CRB2: variants seen among roughly 807,000 people sequenced by gnomAD.
CRB2 encodes the protein crumbs cell polarity complex component 2, also known as protein crumbs homolog 2.
CRB2 carries 85 observed loss-of-function variants against 110.9 expected under a neutral mutation model. That is an observed-to-expected ratio of 0.77 (90% confidence interval 0.64 to 0.92). The LOEUF (loss-of-function observed/expected upper bound fraction) is 0.92. Ranked by LOEUF, CRB2 falls within the 40% of genes least tolerant of loss-of-function variation. The pLI is 0.00. For missense variants in CRB2, 1,843 were observed against 1,851.3 expected (o/e 1.00, Z 0.08); for synonymous variants, 907 against 831.0 (o/e 1.09, Z -1.57).
At chr9:123,359,089 A>T (rs902294870) in intron 1 of CRB2, among the ~76,000 whole-genome samples, 9 of 152,178 alleles carry the variant, frequency 5.9e-5, no homozygotes, top group Non-Finnish European at 1.2e-4. Context: ...TCCGTCCCTG[A>T]CAGCTATTGT....
intron 6 of CRB2, among the ~76,000 whole-genome samples, chr9:123,368,209 C>T (rs914468525): frequency 2.0e-5 from 3 of 152,162 alleles, no homozygotes; most frequent in Admixed American, 1.3e-4. Context: ...CCCTCACACC[C>T]GCCCGCATTC....
chr9:123,379,998 G>A (rs2042195903), downstream of CRB2: 1 of 152,294 alleles, frequency 6.6e-6, no homozygotes, highest in Non-Finnish European at 1.5e-5. Flanking sequence ...GGTTGACCCA[G>A]GAAGAGCCAT....
At chr9:123,354,187 C>CA (rs2041775414), upstream of CRB2, among the ~76,000 whole-genome samples, 1 of 152,242 alleles carries the variant, frequency 6.6e-6, no homozygotes, top group Admixed American at 6.5e-5. Flanking sequence ...GTCGGGGGAG[C>CA]CCCCCTCCAT....
At chr9:123,372,392 C>G in intron 9 of CRB2, 50 bp downstream of exon 9, 4 of 1,541,670 alleles carry the variant, frequency 2.6e-6, no homozygotes, top group Non-Finnish European at 2.6e-6. Flanking sequence ...GACACCTAAG[C>G]TGGTTAGATC....
chr9:123,375,137 G>A (rs1254983162), intron 11 of CRB2, 80 bp from the exon 12 acceptor site: 3 of 1,584,564 alleles, frequency 1.9e-6, no homozygotes, highest in East Asian at 4.5e-5. Flanking sequence ...TTGCTGAAGT[G>A]GGGATGGGCA....
rs1019759525 is a variant in CRB2, at chr9:123,370,228, A to T, written c.1175A>T (p.Asp392Val). 26 of 1,613,094 alleles carry T rather than the reference A, an allele frequency of 1.6e-5. No homozygotes were observed. Among genetic ancestry groups the T allele is most frequent in the Non-Finnish European group, 2.1e-5 (25 of 1,180,000 alleles). ...CRCPETWGGR[D>V]CSVQLTGCQG... ...TGCCCAGAGACCTGGGGTGGGCGCG[A>T]CTGTTCTGTGCAGCTCACTGGCTGC... Residue 392 changes from aspartate to valine, a missense_variant, in exon 7 of 13, where the codon GAC (aspartate) becomes GTC (valine). Coordinates refer to ENST00000373631, the MANE Select transcript of CRB2 (RefSeq NM_173689.7).
rs770096371 is a variant in CRB2 at position 123,366,301 on chromosome 9, C to T, written c.689C>T (p.Ala230Val). Residue 230 changes from alanine to valine, a missense_variant, in exon 4 of 13, where the codon GCG (alanine) becomes GTG (valine). Coordinates refer to ENST00000373631, the MANE Select transcript of CRB2 (RefSeq NM_173689.7). ...CGGGAGGTGCTGGAGTGCGCATCGG[C>T]GCCCTGCGAGCACAACGCGTCCTGC... ...CEREVLECAS[A>V]PCEHNASCLE... is the part of the protein sequence containing the mutation. 5 of 1,525,070 alleles carry T rather than the reference C, an allele frequency of 3.3e-6. No individual in the cohort carries two copies. Among genetic ancestry groups the T allele is most frequent in the East Asian group, 2.6e-5 (1 of 37,800 alleles). 94.5% of individuals were successfully genotyped at this position (1,525,070 alleles called of 1,614,324 possible). A position where few individuals can be genotyped will look rare whatever the true frequency, so the allele number is the denominator to read the frequency against.
At chr9:123,374,113 G>A (rs2042066342) in intron 10 of CRB2, 193 bp downstream of exon 10, 11 of 849,384 alleles carry the variant, frequency 1.3e-5, no homozygotes, top group East Asian at 2.7e-5. Flanking sequence ...CAGTTAGCCT[G>A]GAATTTCAGA....
chr9:123,362,455 G>A (rs1011973009), intron 1 of CRB2, among the ~76,000 whole-genome samples: 1 of 152,212 alleles, frequency 6.6e-6, no homozygotes, highest in Non-Finnish European at 1.5e-5. Context: ...GTGTGAAGTG[G>A]ACAGGGCTGG....
In CRB2 at chr9:123,373,847, G is replaced by A. The variant is rs748553861; in HGVS notation, c.3316G>A (p.Gly1106Ser). The change falls in exon 10 of 13, where the codon GGC becomes AGC. Residue 1106 changes from glycine (G) to serine (S), a missense_variant. Coordinates refer to ENST00000373631, the MANE Select transcript of CRB2 (RefSeq NM_173689.7). ...DPCHSAPCAR[G>S]RCHTHPDGRF... The stretch of plus-strand genomic sequence containing the variant: ...CTGTCACTCCGCCCCCTGCGCCCGT[G>A]GCCGCTGTCACACGCACCCCGACGG... 14 of 1,565,040 alleles carry A rather than the reference G, an allele frequency of 8.9e-6. No individual in the cohort carries two copies. The highest frequency in any genetic ancestry group is 1.1e-5 in the Non-Finnish European group (13 of 1,161,300).
intron 11 of CRB2, among the ~76,000 whole-genome samples, chr9:123,375,009 C>T (rs1363945937): frequency 6.6e-6 from 1 of 152,100 alleles, no homozygotes; most frequent in Non-Finnish European, 1.5e-5. Context: ...CACACAGGCT[C>T]CCGTCACCCT....
intron 3 of CRB2, 56 bp downstream of exon 3, chr9:123,366,168 C>T (rs962784356): frequency 1.5e-6 from 2 of 1,378,454 alleles, no homozygotes; most frequent in Non-Finnish European, 9.3e-7. Flanking sequence ...GGCGGGGAGG[C>T]CAGGCGCGGG....
chr9:123,369,564 A>C (rs1461629979), intron 6 of CRB2, among the ~76,000 whole-genome samples: 1 of 152,120 alleles, frequency 6.6e-6, no homozygotes, highest in Non-Finnish European at 1.5e-5. Flanking sequence ...AGTATGAGCA[A>C]AGCCCCAGAG....
chr9:123,358,863 C>T (rs1007572442), intron 1 of CRB2, among the ~76,000 whole-genome samples: 1 of 150,780 alleles, frequency 6.6e-6, no homozygotes, highest in East Asian at 1.9e-4. Flanking sequence ...GGTTCCCCAC[C>T]CCAGGTTTTG....
Position 123,370,325 on chromosome 9 carries a change from C to A in CRB2, c.1272C>A (p.Cys424Ter). ...AGTCTGGGGTCCACAGTTACGTCTG[C>A]CACTGCCCACCTGGTACCCATGGAC... ...IFESGVHSYV[C>*]HCPPGTHGPF... Residue 424 changes from cysteine to a stop codon, truncating the protein, a stop_gained, in exon 7 of 13, where the codon TGC becomes TGA. Coordinates refer to ENST00000373631, the MANE Select transcript of CRB2 (RefSeq NM_173689.7). LOFTEE classifies it high-confidence loss of function. 6.2e-7 allele frequency: 1 copy of A among 1,613,766 alleles called. No individual in the cohort carries two copies.
At chr9:123,356,176 G>C, upstream of CRB2, 1 of 922,496 alleles carries the variant, frequency 1.1e-6, no homozygotes, top group Non-Finnish European at 1.5e-6. Flanking sequence ...CATTAGTGCT[G>C]GTTGGAGGGA....
At chr9:123,358,053 C>T (rs1360679519) in intron 1 of CRB2, among the ~76,000 whole-genome samples, 2 of 152,232 alleles carry the variant, frequency 1.3e-5, no homozygotes, top group Non-Finnish European at 2.9e-5. Flanking sequence ...GAGCGCCATC[C>T]CTGGGGATCC....
At chr9:123,369,544 C>T (rs1336799530) in intron 6 of CRB2, among the ~76,000 whole-genome samples, 1 of 151,998 alleles carries the variant, frequency 6.6e-6, no homozygotes, top group Non-Finnish European at 1.5e-5. Context: ...GCATTCCAAG[C>T]AGACAGAACA....
At chr9:123,375,747 G>A (rs997433196) in intron 12 of CRB2, among the ~76,000 whole-genome samples, 1 of 152,216 alleles carries the variant, frequency 6.6e-6, no homozygotes, top group Non-Finnish European at 1.5e-5. Flanking sequence ...AGGAAGACAC[G>A]GAGGGGCAGG....
Sources: gnomAD v4.1 joint callset for allele counts (sites outside exome capture counted in the v4.1 genomes callset) on GRCh38, gnomAD v4.1.1 for gene constraint, MANE v1.5 for transcripts, NCBI Gene and HGNC (gene_info 2026-07-23, HGNC 2026-07-21) for gene names.